CHN1: variants seen among roughly 807,000 people sequenced by gnomAD.
The protein encoded by CHN1 is N-chimaerin.
Under a neutral mutation model 59.5 loss-of-function variants are expected in CHN1, and 37 were observed. That is an observed-to-expected ratio of 0.62 (90% CI 0.48 to 0.82). CHN1 has a LOEUF of 0.82. CHN1 is among the 40% of genes least tolerant of loss of function. The pLI is 0.00. For missense variants in CHN1, 469 were observed against 571.0 expected (o/e 0.82, Z 1.82); for synonymous variants, 206 against 200.4 (o/e 1.03, Z -0.24).
At chr2:174,856,027 C>A (rs1686889972) in intron 6 of CHN1, among the ~76,000 whole-genome samples, 1 of 151,976 alleles carries the variant, frequency 6.6e-6, no homozygotes, top group African/African-American at 2.4e-5. Flanking sequence ...CATTTATATT[C>A]CAGTGCCGCT....
At chr2:174,924,182 C>T (rs1176260655) in intron 3 of CHN1, among the ~76,000 whole-genome samples, 1 of 152,098 alleles carries the variant, frequency 6.6e-6, no homozygotes, top group Non-Finnish European at 1.5e-5. Flanking sequence ...AAGAAATTTA[C>T]ATTTGTAAAG....
chr2:175,004,953 T>G lies in CHN1; in HGVS notation c.-41A>C. On this transcript the variant is annotated 5_prime_UTR_variant, in exon 1 of 13. Transcript: ENST00000409900. ...CGCCGCCCGCGAGTCCAGGCGCTCC[T>G]CCCAGGCGGGCTAGGGATCACCTCA... 1 of 1,521,210 alleles carries G rather than the reference T, an allele frequency of 6.6e-7. No homozygotes were observed. The highest frequency in any genetic ancestry group is 8.8e-7 in the Non-Finnish European group (1 of 1,137,654). 94.2% of individuals were successfully genotyped at this position (1,521,210 alleles called of 1,614,324 possible).
rs1685664594 is a variant in CHN1 at position 174,825,866 on chromosome 2, T to C, written c.628-1348A>G. On this transcript the variant is annotated intron_variant, in intron 7 of 12. Transcript: ENST00000409900. ...AAGACATACCATTATGTGTTCAATT[T>C]AGAAAAACCATGCCAATTAAATCAT... is the stretch of plus-strand genomic sequence containing the variant. Among the ~76,000 whole-genome samples the C allele has an allele frequency of 2.0e-5, 3 of 152,214 alleles. No individual in the cohort carries two copies. In the South Asian group the frequency reaches 6.2e-4, roughly 32 times the overall value.
chr2:174,865,770 A>G (rs1687198760), intron 6 of CHN1, among the ~76,000 whole-genome samples: 1 of 152,168 alleles, frequency 6.6e-6, no homozygotes, highest in Non-Finnish European at 1.5e-5. Context: ...TTAAACCTGT[A>G]TGTGTTCAGC....
At chr2:174,935,794 A>G (rs1689479911) in intron 3 of CHN1, among the ~76,000 whole-genome samples, 1 of 152,030 alleles carries the variant, frequency 6.6e-6, no homozygotes, top group Non-Finnish European at 1.5e-5. Context: ...AAAGCCAGGC[A>G]CGGCGGTGCA....
chr2:174,812,555 T>C (rs1685112997), intron 8 of CHN1, 73 bp from the exon 9 acceptor site: 2 of 1,454,146 alleles, frequency 1.4e-6, no homozygotes, highest in Non-Finnish European at 1.9e-6. Flanking sequence ...GTGTTAATTT[T>C]AGCAAAAGGC....
intron 2 of CHN1, among the ~76,000 whole-genome samples, chr2:174,945,931 G>GTGTGTATATATA (rs1689819894): frequency 6.7e-6 from 1 of 149,110 alleles, no homozygotes; most frequent in African/African-American, 2.5e-5. Flanking sequence ...GTGTGTGTGT[G>GTGTGTATATATA]TATATATATA....
intron 7 of CHN1, 133 bp downstream of exon 7, chr2:174,846,747 C>T (rs1327302394): frequency 7.3e-6 from 7 of 959,856 alleles, no homozygotes; most frequent in Non-Finnish European, 9.0e-6. Context: ...AGGCTGAAAA[C>T]ATCTCACTCC....
intron 7 of CHN1, among the ~76,000 whole-genome samples, chr2:174,828,949 G>A (rs372013496): frequency 6.6e-6 from 1 of 152,096 alleles, no homozygotes; most frequent in African/African-American, 2.4e-5. Flanking sequence ...CATTATTAGC[G>A]AAGTCAAAAA....
At position 174,809,118 on chromosome 2, in the gene CHN1, T is replaced by C. The variant is rs1684995501; in HGVS notation, c.965-76A>G. 2.3e-6 allele frequency: 3 copies of C among 1,290,398 alleles called. No homozygotes were observed. The African/African-American group carries it at 4.5e-5, about 19-fold the overall frequency. The allele number at this position is 1,290,398 out of a possible 1,614,324, so 79.9% of individuals were successfully genotyped here. On this transcript the variant is annotated intron_variant, in intron 10 of 12. Coordinates refer to ENST00000409900, the MANE Select transcript of CHN1 (RefSeq NM_001822.7). ...TGTTTTAATGAATGACATATCTGTA[T>C]ACAAATCAGATTTTAAAGATTAGCA...
At chr2:174,997,792 G>A (rs1014022847) in intron 1 of CHN1, among the ~76,000 whole-genome samples, 1 of 152,106 alleles carries the variant, frequency 6.6e-6, no homozygotes, top group Non-Finnish European at 1.5e-5. Flanking sequence ...AGCACTTTGG[G>A]AGACCGAGGC....
At chr2:174,895,987 A>AC (rs1199548528) in intron 5 of CHN1, among the ~76,000 whole-genome samples, 2 of 152,064 alleles carry the variant, frequency 1.3e-5, no homozygotes, top group Non-Finnish European at 2.9e-5. Context: ...CACCCAAAAC[A>AC]CCTATACTGA....
chr2:174,986,738 G>A (rs756835902), intron 1 of CHN1, among the ~76,000 whole-genome samples: 3 of 152,084 alleles, frequency 2.0e-5, no homozygotes, highest in Non-Finnish European at 4.4e-5. Flanking sequence ...ATGATTTTTT[G>A]TTTGTTTGCT....
intron 1 of CHN1, among the ~76,000 whole-genome samples, chr2:174,967,160 G>A (rs1690617212): frequency 6.6e-6 from 1 of 151,992 alleles, no homozygotes; most frequent in Non-Finnish European, 1.5e-5. Flanking sequence ...CCTGGGCAAT[G>A]TGGAGAAACC....
chr2:174,843,888 CCT>C (rs1008597197), intron 7 of CHN1, among the ~76,000 whole-genome samples: 1 of 151,942 alleles, frequency 6.6e-6, no homozygotes, highest in African/African-American at 2.4e-5. Flanking sequence ...ACCCAGAAAG[CCT>C]CAGAATGCAT....
intron 1 of CHN1, among the ~76,000 whole-genome samples, chr2:174,966,437 T>C (rs1143988): frequency 0.015 from 2,308 of 152,142 alleles, 54 homozygotes; most frequent in African/African-American, 0.052. Flanking sequence ...CAGTGCTCAA[T>C]TCCTGACCAC....
intron 10 of CHN1, among the ~76,000 whole-genome samples, chr2:174,809,501 A>G (rs1270514085): frequency 6.6e-6 from 1 of 152,218 alleles, no homozygotes; most frequent in Non-Finnish European, 1.5e-5. Context: ...TAACCAATCA[A>G]TGGAAAATAG....
At position 174,938,895 on chromosome 2, in the gene CHN1, C is replaced by CA. The variant is rs142208575; in HGVS notation, c.114+5992dup. Among the ~76,000 whole-genome samples, 571 of 151,650 alleles carry CA rather than the reference C, an allele frequency of 3.8e-3. 4 individuals are homozygous for CA. The highest frequency in any genetic ancestry group is 0.013 in the African/African-American group (546 of 41,342). On this transcript the variant is annotated intron_variant, in intron 3 of 12. Transcript: ENST00000409900. ...AATATAAACAAACATAAAATATTTACAAAAAATCTATATTTTTGTGAAACA... is the reference window on the plus strand; with the variant it reads ...AATATAAACAAACATAAAATATTTACAAAAAAATCTATATTTTTGTGAAACA...
intron 6 of CHN1, among the ~76,000 whole-genome samples, chr2:174,854,286 C>T (rs1342597150): frequency 6.6e-6 from 1 of 151,542 alleles, no homozygotes; most frequent in Non-Finnish European, 1.5e-5. Context: ...GGATTTTAAG[C>T]CACAATGTAC....
Sources: allele counts gnomAD v4.1 joint callset (sites outside exome capture counted in the v4.1 genomes callset), GRCh38; gene constraint gnomAD v4.1.1; transcripts MANE v1.5; gene names NCBI Gene and HGNC (gene_info 2026-07-23, HGNC 2026-07-21).